The following AUTS2 variants were observed in gnomAD, a reference collection of about 807,000 sequenced individuals.
The protein encoded by AUTS2 is autism susceptibility gene 2 protein.
Under a neutral mutation model 112.4 loss-of-function variants are expected in AUTS2, and 17 were observed. The ratio of observed to expected loss-of-function variants is 0.15; its 90% CI spans 0.10 to 0.23. The LOEUF (loss-of-function observed/expected upper bound fraction) is 0.23, where lower values mean the gene tolerates loss of function less well. Among genes scored for constraint, AUTS2 ranks in the 10% least tolerant of loss-of-function variants. The pLI is 1.00. For missense variants in AUTS2, 1,510 were observed against 1,701.6 expected, an observed-to-expected ratio of 0.89 and a Z score of 1.98; for synonymous variants, 751 against 702.7, an observed-to-expected ratio of 1.07 and a Z score of -1.09.
intron 4 of AUTS2, among the ~76,000 whole-genome samples, chr7:70,167,116 C>A (rs189149303): frequency 6.6e-6 from 1 of 152,132 alleles, no homozygotes; most frequent in South Asian, 2.1e-4. Flanking sequence ...ATCCCAGCTA[C>A]TCTGGAGGCT....
At chr7:69,972,653 TTGTGTGTGTGTGCGTGCA>T (rs1207939918) in intron 2 of AUTS2, among the ~76,000 whole-genome samples, 20 of 146,452 alleles carry the variant, frequency 1.4e-4, no homozygotes, top group Admixed American at 1.3e-3. Flanking sequence ...AAGTTTTTCT[TTGTGTGTGTGTGCGTGCA>T]TGTGTGTGTG....
chr7:70,213,900 A>G (rs1339334197), intron 4 of AUTS2, among the ~76,000 whole-genome samples: 1 of 152,202 alleles, frequency 6.6e-6, no homozygotes, highest in Non-Finnish European at 1.5e-5. Flanking sequence ...CGTACATACA[A>G]TGTTATCATA....
intron 5 of AUTS2, among the ~76,000 whole-genome samples, chr7:70,524,594 G>A (rs1415450749): frequency 6.6e-6 from 1 of 152,166 alleles, no homozygotes; most frequent in Non-Finnish European, 1.5e-5. Flanking sequence ...CGAACAAAAG[G>A]CATCAGGGAA....
intron 1 of AUTS2, among the ~76,000 whole-genome samples, chr7:69,863,618 CA>C (rs1278175207): frequency 6.6e-6 from 1 of 152,184 alleles, no homozygotes; most frequent in Non-Finnish European, 1.5e-5. Context: ...TTACAGAAAC[CA>C]TGCCCCCAGT....
intron 1 of AUTS2, among the ~76,000 whole-genome samples, chr7:69,666,429 T>G (rs542150013): frequency 2.6e-4 from 40 of 152,312 alleles, no homozygotes; most frequent in Middle Eastern, 3.4e-3. Flanking sequence ...GCTTGGTGAG[T>G]ATTATTTTTC....
intron 5 of AUTS2, among the ~76,000 whole-genome samples, chr7:70,539,740 G>A (rs996447089): frequency 2.0e-4 from 30 of 152,252 alleles, no homozygotes; most frequent in African/African-American, 6.3e-4. Flanking sequence ...CATAATGGGC[G>A]TCTGTGGGAG....
chr7:69,849,396 G>C (rs1464536953), intron 1 of AUTS2, among the ~76,000 whole-genome samples: 2 of 152,114 alleles, frequency 1.3e-5, no homozygotes, highest in African/African-American at 4.8e-5. Flanking sequence ...TATGTGTATA[G>C]CTCTATGTCG....
chr7:69,689,541 C>T lies in AUTS2; in HGVS notation c.309+89579C>T, dbSNP rs1187096224. On this transcript the variant is annotated intron_variant, in intron 1 of 18. Coordinates refer to ENST00000342771, the MANE Select transcript of AUTS2 (RefSeq NM_015570.4). ...AATTTTTGTAGAGACAGGGTTTCAC[C>T]GTATTGGCCAGGCTGGTCTTGAACT... Among the ~76,000 whole-genome samples, 7 of 150,900 alleles carry T rather than the reference C, an allele frequency of 4.6e-5. No individual in the cohort carries two copies. In the South Asian group the frequency reaches 1.3e-3, roughly 27 times the overall value.
intron 2 of AUTS2, among the ~76,000 whole-genome samples, chr7:69,901,701 T>C (rs1302717919): frequency 6.6e-6 from 1 of 152,234 alleles, no homozygotes; most frequent in African/African-American, 2.4e-5. Context: ...GAGTATTTTC[T>C]TACCTTCAGT....
At chr7:69,655,162 CA>C (rs1479393714) in intron 1 of AUTS2, among the ~76,000 whole-genome samples, 1 of 151,936 alleles carries the variant, frequency 6.6e-6, no homozygotes, top group Admixed American at 6.6e-5. Flanking sequence ...AACTGTAAAA[CA>C]ATAATACAGA....
intron 5 of AUTS2, among the ~76,000 whole-genome samples, chr7:70,439,033 G>A (rs1490956997): frequency 6.6e-6 from 1 of 152,148 alleles, no homozygotes; most frequent in African/African-American, 2.4e-5. Flanking sequence ...CTGATATGAA[G>A]CTGTAATTTA....
At chr7:69,738,436 C>T (rs764707291) in intron 1 of AUTS2, among the ~76,000 whole-genome samples, 11 of 152,080 alleles carry the variant, frequency 7.2e-5, no homozygotes, top group South Asian at 4.1e-4. Context: ...TAAAACTCTT[C>T]GAAAGAGTCT....
intron 4 of AUTS2, among the ~76,000 whole-genome samples, chr7:70,310,195 T>C (rs1402565980): frequency 6.6e-6 from 1 of 151,448 alleles, no homozygotes; most frequent in Non-Finnish European, 1.5e-5. Context: ...TGATTGTGGG[T>C]CTAAAGACAA....
intron 6 of AUTS2, among the ~76,000 whole-genome samples, chr7:70,762,666 C>T (rs1789640581): frequency 6.6e-6 from 1 of 152,168 alleles, no homozygotes. Flanking sequence ...AAAGGCTGTT[C>T]CTGCATCTTT....
At chr7:70,735,561 C>T (rs181111076) in intron 6 of AUTS2, among the ~76,000 whole-genome samples, 6 of 152,246 alleles carry the variant, frequency 3.9e-5, no homozygotes, top group Non-Finnish European at 7.4e-5. Context: ...CAAGTGAATG[C>T]GGGTGCATCA....
chr7:69,972,666 CGTGCATGTGTGT>C (rs1797896457), intron 2 of AUTS2, among the ~76,000 whole-genome samples: 1 of 131,782 alleles, frequency 7.6e-6, no homozygotes, highest in Non-Finnish European at 1.7e-5. Context: ...TGTGTGTGTG[CGTGCATGTGTGT>C]GTGTGTGTGT....
intron 4 of AUTS2, among the ~76,000 whole-genome samples, chr7:70,304,675 A>G (rs1294934621): frequency 6.6e-6 from 1 of 150,728 alleles, no homozygotes; most frequent in East Asian, 2.0e-4. Flanking sequence ...TGAATATTCC[A>G]TATTTGAAAT....
chr7:69,768,134 A>G (rs1424459979), intron 1 of AUTS2, among the ~76,000 whole-genome samples: 1 of 152,236 alleles, frequency 6.6e-6, no homozygotes, highest in East Asian at 1.9e-4. Context: ...TTTATCAGAC[A>G]AGTCTCTGAT....
chr7:70,270,031 C>G (rs1354104746), intron 4 of AUTS2, among the ~76,000 whole-genome samples: 1 of 151,946 alleles, frequency 6.6e-6, no homozygotes, highest in East Asian at 1.9e-4. Flanking sequence ...AGAGCGGGAC[C>G]TTGTCTCAAA....
Sources: gnomAD v4.1 joint callset for allele counts (sites outside exome capture counted in the v4.1 genomes callset) on GRCh38, gnomAD v4.1.1 for gene constraint, MANE v1.5 for transcripts, NCBI Gene and HGNC (gene_info 2026-07-23, HGNC 2026-07-21) for gene names.